STPG2: variants seen among roughly 807,000 people sequenced by gnomAD.
The protein encoded by STPG2 is sperm-tail PG-rich repeat-containing protein 2.
In STPG2, 56 loss-of-function variants were observed where a neutral mutation model predicts 54.2. The observed-to-expected ratio is 1.03, with a 90% CI of 0.83 to 1.29. The LOEUF is 1.29. Among genes scored for constraint, STPG2 ranks in the 50% most tolerant of loss-of-function variants. The pLI is 0.00. For synonymous variants in STPG2, 200 were observed against 181.8 expected, an observed-to-expected ratio of 1.10 and a Z score of -0.81; for missense variants, 596 against 544.9, an observed-to-expected ratio of 1.09 and a Z score of -0.93.
chr4:97,571,040 A>G (rs1236697230), intron 10 of STPG2, among the ~76,000 whole-genome samples: 3 of 152,098 alleles, frequency 2.0e-5, no homozygotes, highest in Non-Finnish European at 4.4e-5. Flanking sequence ...TAAAATATTT[A>G]AAAATACATG....
At chr4:97,891,973 C>T (rs1730789157) in intron 8 of STPG2, among the ~76,000 whole-genome samples, 1 of 152,044 alleles carries the variant, frequency 6.6e-6, no homozygotes. Flanking sequence ...GAGGTTTCCT[C>T]ATCCTGAACT....
intron 10 of STPG2, among the ~76,000 whole-genome samples, chr4:97,578,695 T>G (rs1578401939): frequency 6.6e-6 from 1 of 151,880 alleles, no homozygotes; most frequent in South Asian, 2.1e-4. Context: ...ATCCACATAA[T>G]AGCCAATTTC....
intron 5 of STPG2, among the ~76,000 whole-genome samples, chr4:98,027,313 T>C (rs1736454879): frequency 1.3e-5 from 2 of 152,190 alleles, no homozygotes; most frequent in African/African-American, 2.4e-5. Context: ...TCTACCACAG[T>C]AAGCAGTCTA....
At position 97,477,621 on chromosome 4, in the gene STPG2, C is replaced by T. The variant is rs529739790; in HGVS notation, c.462+235078G>A. 1.9e-3 allele frequency among the ~76,000 whole-genome samples: 284 copies of T among 151,212 alleles called. 1 individual carries two copies. Among genetic ancestry groups the T allele is most frequent in the African/African-American group, 6.4e-3 (262 of 41,238 alleles). ...CCTCCCAAGTAGCTGGGACTACAGG[C>T]GCCTGCCACCATGCCCGGCTAATTT... On this transcript the variant is annotated intron_variant, in intron 4 of 4. Transcript: ENST00000522676.
chr4:97,800,567 C>A (rs1263615875), intron 9 of STPG2, among the ~76,000 whole-genome samples: 3 of 152,224 alleles, frequency 2.0e-5, no homozygotes, highest in Admixed American at 6.5e-5. Flanking sequence ...TGGTACCCGG[C>A]CGTGTGAGGT....
intron 5 of STPG2, among the ~76,000 whole-genome samples, chr4:98,092,937 T>A (rs1430064999): frequency 6.6e-6 from 1 of 152,096 alleles, no homozygotes; most frequent in African/African-American, 2.4e-5. Context: ...CAAGGCAAAT[T>A]TTCGTATCTT....
At chr4:97,723,562 T>C (rs149644690) in intron 9 of STPG2, among the ~76,000 whole-genome samples, 295 of 152,336 alleles carry the variant, frequency 1.9e-3, no homozygotes, top group African/African-American at 7.0e-3. Flanking sequence ...TTAATCCATA[T>C]AGATTCCATT....
intron 9 of STPG2, among the ~76,000 whole-genome samples, chr4:97,764,920 C>T (rs1725993587): frequency 6.6e-6 from 1 of 152,030 alleles, no homozygotes; most frequent in African/African-American, 2.4e-5. Context: ...GGTGCTAGAA[C>T]CTCCTCCATA....
intron 7 of STPG2, among the ~76,000 whole-genome samples, chr4:97,944,749 CT>C (rs1220055528): frequency 6.6e-6 from 1 of 152,010 alleles, no homozygotes; most frequent in Non-Finnish European, 1.5e-5. Context: ...AGACATATTT[CT>C]TTCTTGGCCC....
chr4:97,566,260 C>A (rs187158491), intron 10 of STPG2, among the ~76,000 whole-genome samples: 20 of 152,332 alleles, frequency 1.3e-4, no homozygotes, highest in African/African-American at 4.8e-4. Context: ...ATATAATCTC[C>A]TGGTGCACCA....
At chr4:98,022,912 C>T (rs7659724) in intron 5 of STPG2, among the ~76,000 whole-genome samples, 59,915 of 151,892 alleles carry the variant, frequency 0.39, 12,047 homozygotes, top group Middle Eastern at 0.46. Flanking sequence ...TCTAGTTATA[C>T]ATTCATCTAA....
chr4:97,994,754 T>C (rs566527738), intron 5 of STPG2, among the ~76,000 whole-genome samples: 2 of 152,130 alleles, frequency 1.3e-5, no homozygotes, highest in South Asian at 4.2e-4. Flanking sequence ...TTTTGTTAAG[T>C]GTACTGGTTT....
At chr4:97,502,361 T>C (rs1730743928) in intron 4 of STPG2, among the ~76,000 whole-genome samples, 1 of 152,026 alleles carries the variant, frequency 6.6e-6, no homozygotes, top group Admixed American at 6.6e-5. Flanking sequence ...TGGCCTTAAA[T>C]TTCATCACAG....
At chr4:97,799,593 T>G (rs1180779390) in intron 9 of STPG2, among the ~76,000 whole-genome samples, 1 of 152,196 alleles carries the variant, frequency 6.6e-6, no homozygotes, top group Non-Finnish European at 1.5e-5. Flanking sequence ...TAACCCGACC[T>G]TTCTCTCTGG....
intron 5 of STPG2, among the ~76,000 whole-genome samples, chr4:98,051,841 A>G (rs1425660826): frequency 6.6e-6 from 1 of 151,998 alleles, no homozygotes; most frequent in Non-Finnish European, 1.5e-5. Flanking sequence ...CAGTGGCTCA[A>G]GCCTCACTTT....
At chr4:97,835,298 T>C (rs1728597682) in intron 9 of STPG2, among the ~76,000 whole-genome samples, 1 of 152,056 alleles carries the variant, frequency 6.6e-6, no homozygotes, top group African/African-American at 2.4e-5. Flanking sequence ...TCCTATATGG[T>C]CTAAAAATGG....
chr4:97,496,043 T>C (rs1730604975), intron 4 of STPG2, among the ~76,000 whole-genome samples: 2 of 151,606 alleles, frequency 1.3e-5, no homozygotes, highest in African/African-American at 4.8e-5. Flanking sequence ...CATAAATATG[T>C]TGAAAATCAA....
chr4:98,048,395 A>G (rs1042315161), intron 5 of STPG2, among the ~76,000 whole-genome samples: 3 of 152,262 alleles, frequency 2.0e-5, no homozygotes, highest in Non-Finnish European at 4.4e-5. Context: ...CTTAAATTAG[A>G]AAGAGCAGTT....
chr4:97,976,717 G>T (rs1180099393), intron 6 of STPG2, among the ~76,000 whole-genome samples: 1 of 152,050 alleles, frequency 6.6e-6, no homozygotes, highest in Non-Finnish European at 1.5e-5. Flanking sequence ...AAATTTCCAT[G>T]ATGGCCATTC....
Sources: gnomAD v4.1 joint callset for allele counts (sites outside exome capture counted in the v4.1 genomes callset) on GRCh38, gnomAD v4.1.1 for gene constraint, MANE v1.5 for transcripts, NCBI Gene and HGNC (gene_info 2026-07-23, HGNC 2026-07-21) for gene names.